The following ABR variants were observed in gnomAD, a reference collection of about 807,000 sequenced individuals.
The protein encoded by ABR is active breakpoint cluster region-related protein.
In ABR, 35 loss-of-function variants were observed where a neutral mutation model predicts 107.2. The ratio of observed to expected loss-of-function variants is 0.33; its 90% CI spans 0.25 to 0.43. The LOEUF is 0.43. ABR is among the 20% of genes least tolerant of loss of function. The pLI, the probability that ABR is intolerant of heterozygous loss-of-function variation, is 1.00. For synonymous variants in ABR, 498 were observed against 462.0 expected, an observed-to-expected ratio of 1.08 and a Z score of -1.00; for missense variants, 815 against 1,115.2, an observed-to-expected ratio of 0.73 and a Z score of 3.83.
intron 2 of ABR, among the ~76,000 whole-genome samples, chr17:1,116,311 A>C (rs2038983351): frequency 6.6e-6 from 1 of 152,174 alleles, no homozygotes; most frequent in Admixed American, 6.5e-5. Context: ...ATAAACTAAA[A>C]CAGAAAGAAA....
intron 18 of ABR, 73 bp downstream of exon 18, chr17:1,012,615 G>C (rs1367191921): frequency 1.7e-6 from 2 of 1,148,696 alleles, no homozygotes; most frequent in Non-Finnish European, 2.6e-6. Flanking sequence ...CCGGCGGGGA[G>C]GGCTGGGGGG....
In ABR at chr17:1,084,585, C is replaced by G. The variant is rs922412430; in HGVS notation, c.532-958G>C. ...TGAGAGGCAGGGCAGACCCCATCGC[C>G]CCTTTCTGCAAAAGGGGAAACCGAG... On this transcript the variant is annotated intron_variant, in intron 4 of 22. Transcript: ENST00000302538. This position sits in a 1 kb window ranked among gnomAD's most constrained non-coding sequence, Gnocchi z 4.2. Among the ~76,000 whole-genome samples the G allele has an allele frequency of 3.3e-5, 5 of 152,146 alleles. No homozygotes were observed. Among genetic ancestry groups the G allele is most frequent in the Non-Finnish European group, 7.4e-5 (5 of 68,024 alleles).
intron 22 of ABR, among the ~76,000 whole-genome samples, chr17:1,006,558 C>T (rs1196457312): frequency 6.6e-6 from 1 of 152,208 alleles, no homozygotes; most frequent in Non-Finnish European, 1.5e-5. Context: ...CCTGAGAATG[C>T]AGCCAGCATC....
Position 1,085,224 on chromosome 17 carries a change from T to C in ABR, c.532-1597A>G, listed in dbSNP as rs1387777968. ...ACCTCCCAGGTTCGCGCCATTCTCC[T>C]GCCTCAGCCTCCTGAGTGGTTGGGA... On this transcript the variant is annotated intron_variant, in intron 4 of 22. Coordinates refer to ENST00000302538, the MANE Select transcript of ABR (RefSeq NM_021962.5). Among the ~76,000 whole-genome samples, 3 of 150,654 alleles carry C rather than the reference T, an allele frequency of 2.0e-5. No homozygotes were observed. In the Admixed American group the frequency reaches 2.0e-4, roughly 10 times the overall value.
rs563156835 is a variant in ABR at position 1,195,870 on chromosome 17, G to A, written c.838+32923C>T. On this transcript the variant is annotated intron_variant, in intron 1 of 22. Transcript: ENST00000574139. ...TAATCCCAGAACTTTGGGAAGGCAA[G>A]TTGGGATTGTGGGGAGAGATCACTT... is the stretch of plus-strand genomic sequence containing the variant. 1.4e-4 allele frequency among the ~76,000 whole-genome samples: 21 copies of A among 149,804 alleles called. No homozygotes were observed. The East Asian group carries it at 3.0e-3, about 21-fold the overall frequency.
At chr17:1,149,176 T>G (rs1300066359) in intron 1 of ABR, among the ~76,000 whole-genome samples, 1 of 152,134 alleles carries the variant, frequency 6.6e-6, no homozygotes, top group Non-Finnish European at 1.5e-5. Flanking sequence ...GTGCTGGGAT[T>G]ACAGGCGTGA....
At chr17:1,185,814 C>T (rs999879077) in intron 1 of ABR, among the ~76,000 whole-genome samples, 3 of 151,920 alleles carry the variant, frequency 2.0e-5, no homozygotes, top group Admixed American at 6.6e-5. Flanking sequence ...TTCCTTGGTA[C>T]AGTAAAGCAG....
chr17:1,197,440 T>TCGAC (rs1288838523), intron 1 of ABR, among the ~76,000 whole-genome samples: 1 of 151,492 alleles, frequency 6.6e-6, no homozygotes, highest in African/African-American at 2.4e-5. Context: ...TCCTGACCGG[T>TCGAC]CATTCTGAAG....
At position 1,084,533 on chromosome 17, in the gene ABR, C is replaced by A. The variant is rs2036468972; in HGVS notation, c.532-906G>T. Reference sequence around the variant, plus strand: ...TCACTCACACAGTCACAACCTGAGTCACAACCACACAGAGCCTCGCCTCTT... The same window carrying A: ...TCACTCACACAGTCACAACCTGAGTAACAACCACACAGAGCCTCGCCTCTT... On this transcript the variant is annotated intron_variant, in intron 4 of 22. Transcript: ENST00000302538. This position sits in a 1 kb window ranked among gnomAD's most constrained non-coding sequence, Gnocchi z 4.2. Among the ~76,000 whole-genome samples, 1 of 152,206 alleles carries A rather than the reference C, an allele frequency of 6.6e-6. No homozygotes were observed. The highest frequency in any genetic ancestry group is 2.4e-5 in the African/African-American group (1 of 41,452).
At chr17:1,100,126 TAAAAAAAAA>T (rs59004026) in intron 3 of ABR, among the ~76,000 whole-genome samples, 3 of 110,170 alleles carry the variant, frequency 2.7e-5, no homozygotes, top group African/African-American at 1.0e-4. Flanking sequence ...AGCTCCGTCT[TAAAAAAAAA>T]AAAAAAAAAA....
At chr17:1,223,105 G>A (rs1355906561) in intron 1 of ABR, among the ~76,000 whole-genome samples, 1 of 151,462 alleles carries the variant, frequency 6.6e-6, no homozygotes, top group Non-Finnish European at 1.5e-5. Flanking sequence ...GGGGGGCTGA[G>A]GCTGGAGAAT....
chr17:1,112,621 A>AAGGAAGAG (rs1555584865), intron 2 of ABR, among the ~76,000 whole-genome samples: 4 of 149,226 alleles, frequency 2.7e-5, no homozygotes, highest in Admixed American at 6.6e-5. Flanking sequence ...GGGAGGAAGG[A>AAGGAAGAG]AGGAAGGAAG....
At position 1,153,352 on chromosome 17, in the gene ABR, C is replaced by T. The variant is rs186462300; in HGVS notation, c.61+26315G>A. ...CTTTTGGGACAGTGCCCATCATGCC[C>T]CCCAGCAGATGGCACACCTGCGGGA... On this transcript the variant is annotated intron_variant, in intron 1 of 22. Coordinates refer to ENST00000302538, the MANE Select transcript of ABR (RefSeq NM_021962.5). 1.0e-4 allele frequency among the ~76,000 whole-genome samples: 16 copies of T among 152,382 alleles called. No individual in the cohort carries two copies. The East Asian group carries it at 2.9e-3, about 28-fold the overall frequency.
At chr17:1,125,955 C>T (rs530412262) in intron 1 of ABR, among the ~76,000 whole-genome samples, 1 of 152,276 alleles carries the variant, frequency 6.6e-6, no homozygotes, top group South Asian at 2.1e-4. Context: ...GGAGGCTGTG[C>T]CCAGGCCTGG....
chr17:1,112,215 G>C (rs1479330587), intron 2 of ABR, among the ~76,000 whole-genome samples: 1 of 152,238 alleles, frequency 6.6e-6, no homozygotes, highest in Non-Finnish European at 1.5e-5. Flanking sequence ...TACGAGGCTG[G>C]GAGACGGGGC....
At chr17:1,109,132 G>A (rs2038479767) in intron 2 of ABR, 2 of 1,505,344 alleles carry the variant, frequency 1.3e-6, no homozygotes, top group Non-Finnish European at 1.8e-6. Flanking sequence ...CGGGAGGAGG[G>A]AGGAGGGAGG....
intron 5 of ABR, among the ~76,000 whole-genome samples, chr17:1,081,644 G>A (rs1037699704): frequency 5.9e-5 from 9 of 151,946 alleles, no homozygotes; most frequent in Admixed American, 5.2e-4. Context: ...TGGCGTGATC[G>A]CAGCTCACTG....
At position 1,092,430 on chromosome 17, in the gene ABR, C is replaced by T. The variant is rs1018804686; in HGVS notation, c.346-580G>A. ...CCCGTGGCAGACATTGCTAAGCGAC[C>T]GTGATGGTCCTTCCCACTGCGCATG... On this transcript the variant is annotated intron_variant, in intron 3 of 22. Coordinates refer to ENST00000302538, the MANE Select transcript of ABR (RefSeq NM_021962.5). The surrounding 1 kb of genome is among the most constrained non-coding windows in gnomAD (Gnocchi z 4.6). Among the ~76,000 whole-genome samples the T allele has an allele frequency of 5.3e-5, 8 of 152,238 alleles. No homozygotes were observed. Among genetic ancestry groups the T allele is most frequent in the East Asian group, 1.9e-4 (1 of 5,166 alleles).
chr17:1,009,533 C>T (rs1010516811), intron 21 of ABR, 146 bp downstream of exon 21: 16 of 670,316 alleles, frequency 2.4e-5, no homozygotes, highest in Middle Eastern at 7.1e-4. Flanking sequence ...CCAGCGCCCA[C>T]GAGGAGGGAC....
Sources: gnomAD v4.1 joint callset for allele counts (sites outside exome capture counted in the v4.1 genomes callset) on GRCh38, gnomAD v4.1.1 for gene constraint, Gnocchi (gnomAD v3.1) non-coding constraint, MANE v1.5 for transcripts, NCBI Gene and HGNC (gene_info 2026-07-23, HGNC 2026-07-21) for gene names.